HENMT1: variants seen among roughly 807,000 people sequenced by gnomAD.
HENMT1 encodes HEN methyltransferase 1, also known as small RNA 2'-O-methyltransferase.
HENMT1 carries 27 observed loss-of-function variants against 31.1 expected under a neutral mutation model. The observed-to-expected ratio is 0.87, with a 90% confidence interval of 0.64 to 1.20. HENMT1 has a LOEUF of 1.20. Ranked by LOEUF, HENMT1 falls within the 50% of genes most tolerant of loss-of-function variation. The pLI, the probability that HENMT1 is intolerant of heterozygous loss-of-function variation, is 0.00. For missense variants in HENMT1, 438 were observed against 469.6 expected (o/e 0.93, Z 0.62); for synonymous variants, 167 against 172.2 (o/e 0.97, Z 0.24).
At chr1:108,649,469 A>G (rs150021771) in intron 7 of HENMT1, 8 of 440,860 alleles carry the variant, frequency 1.8e-5, no homozygotes, top group South Asian at 4.8e-5. Flanking sequence ...AACAAAAAAA[A>G]GCTGAGCATG....
At chr1:108,651,300 G>A (rs1434594015) in intron 5 of HENMT1, 91 bp from the exon 6 acceptor site, 1 of 1,066,242 alleles carries the variant, frequency 9.4e-7, no homozygotes, top group South Asian at 1.5e-5. Context: ...TTCCATCTGT[G>A]TATCGATTTC....
chr1:108,650,473 G>A (rs569017926), intron 6 of HENMT1, 85 bp from the exon 7 acceptor site: 11 of 1,203,484 alleles, frequency 9.1e-6, no homozygotes, highest in Non-Finnish European at 1.2e-5. Flanking sequence ...AGCAGTAAAA[G>A]AGAACATGAA....
intron 5 of HENMT1, among the ~76,000 whole-genome samples, chr1:108,653,546 TACATTC>T (rs1417990319): frequency 2.0e-5 from 3 of 152,264 alleles, no homozygotes; most frequent in Non-Finnish European, 4.4e-5. Flanking sequence ...TGTACTAATT[TACATTC>T]ACACCAGTTT....
chr1:108,649,483 G>A (rs1282003575), intron 7 of HENMT1: 12 of 423,772 alleles, frequency 2.8e-5, no homozygotes, highest in East Asian at 1.4e-4. Flanking sequence ...GAGCATGGTG[G>A]TGCACGCCTG....
At chr1:108,659,699 C>T (rs1658382660) in intron 2 of HENMT1, among the ~76,000 whole-genome samples, 165 bp downstream of exon 2, 1 of 152,216 alleles carries the variant, frequency 6.6e-6, no homozygotes, top group Non-Finnish European at 1.5e-5. Context: ...TACTTACATA[C>T]ACCAAATGTG....
chr1:108,654,134 G>A (rs1201768829), intron 5 of HENMT1, among the ~76,000 whole-genome samples: 2 of 152,048 alleles, frequency 1.3e-5, no homozygotes, highest in African/African-American at 2.4e-5. Flanking sequence ...ATTTATTGAG[G>A]AGGGTGTCCT....
chr1:108,659,752 C>G (rs1658385010), intron 2 of HENMT1, 112 bp downstream of exon 2: 2 of 662,884 alleles, frequency 3.0e-6, no homozygotes, highest in South Asian at 1.9e-5. Flanking sequence ...CAACCAACAC[C>G]CCGGGAAATG....
chr1:108,659,892 C>A lies in HENMT1; in HGVS notation c.-8G>T. 1.3e-6 allele frequency: 2 copies of A among 1,598,798 alleles called. No individual in the cohort carries two copies. Among genetic ancestry groups the A allele is most frequent in the South Asian group, 1.1e-5 (1 of 89,178 alleles). On this transcript the variant is annotated 5_prime_UTR_variant, in exon 2 of 8. Coordinates refer to ENST00000651461, the MANE Select transcript of HENMT1 (RefSeq NM_001102592.2). ...TAGATTATTTTCTTCCATTTTGTTT[C>A]GAAGTTTTGTTGAAACAAAAATGAA...
intron 2 of HENMT1, among the ~76,000 whole-genome samples, 192 bp from the exon 3 acceptor site, chr1:108,657,771 T>C (rs1197772763): frequency 6.6e-6 from 1 of 152,126 alleles, no homozygotes; most frequent in Non-Finnish European, 1.5e-5. Context: ...CATCCTCTCA[T>C]GCCTTTTAAC....
At chr1:108,656,789 C>T (rs1249970651) in intron 3 of HENMT1, among the ~76,000 whole-genome samples, 3 of 152,170 alleles carry the variant, frequency 2.0e-5, no homozygotes, top group Non-Finnish European at 2.9e-5. Flanking sequence ...TTAAAAGAAC[C>T]ACAATACCTG....
At chr1:108,654,684 A>G (rs1275530248) in intron 5 of HENMT1, 32 bp downstream of exon 5, 1 of 1,591,962 alleles carries the variant, frequency 6.3e-7, no homozygotes, top group East Asian at 2.2e-5. Context: ...TTTCAAATGA[A>G]CAGTTATACA....
Position 108,660,990 on chromosome 1 carries a change from G to A in HENMT1, c.-106C>T, listed in dbSNP as rs939912325. On this transcript the variant is annotated 5_prime_UTR_variant, in exon 1 of 8. Transcript: ENST00000651461. The stretch of plus-strand genomic sequence containing the variant: ...AAACCAACGCTTCTGTCTTTGTACG[G>A]GCCGTCGCTTCCATCATCCTGCGGT... The A allele has an allele frequency of 5.9e-5, 58 of 985,136 alleles. No homozygotes were observed. The South Asian group carries it at 2.3e-3, about 40-fold the overall frequency. The allele number at this position is 985,136 out of a possible 1,614,324, so 61.0% of individuals were successfully genotyped here.
At chr1:108,657,992 TACACAC>T (rs139124191) in intron 2 of HENMT1, among the ~76,000 whole-genome samples, 61 of 145,958 alleles carry the variant, frequency 4.2e-4, no homozygotes, top group African/African-American at 1.5e-3. Context: ...CACATATATA[TACACAC>T]ACACACACAC....
At chr1:108,657,693 T>C (rs966386084) in intron 2 of HENMT1, 114 bp from the exon 3 acceptor site, 2 of 934,682 alleles carry the variant, frequency 2.1e-6, no homozygotes, top group Non-Finnish European at 3.2e-6. Context: ...AAAAACACAC[T>C]GGCCTTCACA....
chr1:108,658,547 G>C (rs1365393848), intron 2 of HENMT1, among the ~76,000 whole-genome samples: 1 of 152,118 alleles, frequency 6.6e-6, no homozygotes, highest in African/African-American at 2.4e-5. Context: ...GCATCTGTAG[G>C]AACATTCCAA....
chr1:108,658,668 C>T (rs571711091), intron 2 of HENMT1, among the ~76,000 whole-genome samples: 1 of 152,288 alleles, frequency 6.6e-6, no homozygotes, highest in African/African-American at 2.4e-5. Flanking sequence ...GGCTGCCTAG[C>T]CCAGTTTTAA....
At position 108,655,676 on chromosome 1, in the gene HENMT1, T is replaced by C; in HGVS notation, c.173A>G (p.Asp58Gly). Residue 58 changes from aspartate to glycine, a missense_variant, in exon 4 of 8, where the codon GAT becomes GGT. Physicochemically the swap from Asp to Gly is moderately conservative, Grantham distance 94. Transcript: ENST00000651461. ...TTTTAGCAGCCTTAAGAGTGAAGTA[T>C]CACCACATCCCAGGTCTGCAACCTG... ...PKKVADLGCG[D>G]TSLLRLLKVN... 2 of 1,611,450 alleles carry C rather than the reference T, an allele frequency of 1.2e-6. No individual in the cohort carries two copies. The highest frequency in any genetic ancestry group is 1.7e-6 in the Non-Finnish European group (2 of 1,178,576).
chr1:108,660,902 C>G, intron 1 of HENMT1, 61 bp downstream of exon 1: 2 of 818,780 alleles, frequency 2.4e-6, no homozygotes, highest in Non-Finnish European at 2.9e-6. Context: ...CCAGCCTGGG[C>G]GACAGAGCGA....
Position 108,651,130 on chromosome 1 carries a change from T to G in HENMT1, c.478A>C (p.Ile160Leu). 1.2e-6 allele frequency: 2 copies of G among 1,613,980 alleles called. No individual in the cohort carries two copies. Among genetic ancestry groups the G allele is most frequent in the African/African-American group, 1.3e-5 (1 of 75,024 alleles). ...FGYLSPSMIV[I>L]STPNSEFNPL... is the part of the protein sequence containing the mutation. Reference sequence around the variant, plus strand: ...TTGAATTCAGAGTTTGGTGTGCTGATGACAATCATGGATGGAGACAGGTAC... The same window carrying G: ...TTGAATTCAGAGTTTGGTGTGCTGAGGACAATCATGGATGGAGACAGGTAC... Residue 160 changes from isoleucine (I) to leucine (L), a missense_variant, in exon 6 of 8, where the codon ATC becomes CTC. Ile to Leu is a conservative substitution (Grantham distance 5, BLOSUM62 2). Transcript: ENST00000651461.
Sources: gnomAD v4.1 joint callset for allele counts (sites outside exome capture counted in the v4.1 genomes callset) on GRCh38, gnomAD v4.1.1 for gene constraint, MANE v1.5 for transcripts, NCBI Gene and HGNC (gene_info 2026-07-23, HGNC 2026-07-21) for gene names.